The following MACROD1 variants were observed in gnomAD, a reference collection of about 807,000 sequenced individuals.
The protein encoded by MACROD1 is mono-ADP ribosylhydrolase 1, also known as ADP-ribose glycohydrolase MACROD1.
A neutral mutation model predicts 41.4 loss-of-function variants in MACROD1; 31 were observed. The ratio of observed to expected loss-of-function variants is 0.75; its 90% confidence interval spans 0.56 to 1.01. MACROD1 has a LOEUF of 1.01. MACROD1 is among the 50% of genes least tolerant of loss of function. The pLI is 0.00. For missense variants in MACROD1, 473 were observed against 460.0 expected (o/e 1.03, Z -0.26); for synonymous variants, 252 against 203.4 (o/e 1.24, Z -2.03).
chr11:64,157,932 G>A (rs956660689), intron 1 of MACROD1, among the ~76,000 whole-genome samples: 3 of 152,142 alleles, frequency 2.0e-5, no homozygotes, highest in South Asian at 2.1e-4. Flanking sequence ...CCCACAGCTC[G>A]AGCAAAAGGG....
intron 4 of MACROD1, among the ~76,000 whole-genome samples, chr11:64,003,618 C>A (rs990571059): frequency 6.6e-6 from 1 of 152,166 alleles, no homozygotes; most frequent in South Asian, 2.1e-4. Flanking sequence ...TAAGCACCTG[C>A]GTGGTGATTT....
chr11:64,025,251 C>T (rs771343347), intron 3 of MACROD1, among the ~76,000 whole-genome samples: 1 of 152,210 alleles, frequency 6.6e-6, no homozygotes, highest in Non-Finnish European at 1.5e-5. Flanking sequence ...AGCCACCATA[C>T]CCAGCTGGGG....
intron 3 of MACROD1, among the ~76,000 whole-genome samples, chr11:64,099,641 T>C (rs1056467017): frequency 2.0e-5 from 3 of 149,628 alleles, no homozygotes; most frequent in Non-Finnish European, 3.0e-5. Context: ...GATGGAGAGA[T>C]AGGAGGATGG....
At position 64,126,387 on chromosome 11, in the gene MACROD1, T is replaced by C. The variant is rs1275563559; in HGVS notation, c.517+24852A>G. Among the ~76,000 whole-genome samples, 4 of 151,710 alleles carry C rather than the reference T, an allele frequency of 2.6e-5. No homozygotes were observed. In the East Asian group the frequency reaches 7.8e-4, roughly 30 times the overall value. On this transcript the variant is annotated intron_variant, in intron 3 of 10. Coordinates refer to ENST00000255681, the MANE Select transcript of MACROD1 (RefSeq NM_014067.4). ...GGTGGAGTGGTGTGTGGCGTCGAAA[T>C]AGGCTAGCCAGAGAGAGAGGTGCTT...
rs1312237918 is a variant in MACROD1 at position 64,146,861 on chromosome 11, C to T, written c.517+4378G>A. Among the ~76,000 whole-genome samples, 3 of 151,118 alleles carry T rather than the reference C, an allele frequency of 2.0e-5. No individual in the cohort carries two copies. The highest frequency in any genetic ancestry group is 3.0e-5 in the Non-Finnish European group (2 of 67,716). ...CACACACTCTATCACACACACCCCA[C>T]GCATCACACAAGCACAGACACAAAC... On this transcript the variant is annotated intron_variant, in intron 3 of 10. Coordinates refer to ENST00000255681, the MANE Select transcript of MACROD1 (RefSeq NM_014067.4). This position sits in a 1 kb window ranked among gnomAD's most constrained non-coding sequence, Gnocchi z 4.7.
chr11:64,124,757 C>T (rs944757929), intron 3 of MACROD1, among the ~76,000 whole-genome samples: 11 of 152,186 alleles, frequency 7.2e-5, no homozygotes, highest in Non-Finnish European at 1.2e-4. Flanking sequence ...CTCGGCTCAC[C>T]GCAACCCCTG....
At chr11:64,015,361 C>A in intron 3 of MACROD1, 80 bp from the exon 4 acceptor site, 2 of 1,406,630 alleles carry the variant, frequency 1.4e-6, no homozygotes, top group South Asian at 1.4e-5. Context: ...AGGGTGATGT[C>A]AAGATGGGAG....
intron 3 of MACROD1, among the ~76,000 whole-genome samples, chr11:64,035,693 G>C (rs1289148522): frequency 1.2e-4 from 1 of 8,132 alleles, no homozygotes; most frequent in Non-Finnish European, 2.7e-4. Context: ...CCGCCGGCCA[G>C]TGCGCAGCGC....
intron 4 of MACROD1, among the ~76,000 whole-genome samples, chr11:64,009,325 G>T (rs1942965793): frequency 6.6e-6 from 1 of 152,200 alleles, no homozygotes; most frequent in African/African-American, 2.4e-5. Flanking sequence ...CAGGCCAAAG[G>T]GTCTGTCGGG....
rs1945589522 is a variant in MACROD1, at chr11:64,152,149, T to C, written c.400+143A>G. On this transcript the variant is annotated intron_variant, in intron 2 of 10. Transcript: ENST00000255681. The stretch of plus-strand genomic sequence containing the variant: ...CATCTCAAAAAATAAAATAAAATAA[T>C]TGAATGAGGTGATACACGCGGAGCA... 4.5e-6 allele frequency: 3 copies of C among 663,936 alleles called. No individual in the cohort carries two copies. The South Asian group carries it at 5.4e-5, about 12-fold the overall frequency. The allele number at this position is 663,936 out of a possible 1,614,324, so 41.1% of individuals were successfully genotyped here. A position where few individuals can be genotyped will look rare whatever the true frequency, so the allele number is the denominator to read the frequency against.
rs377020952 is a variant in MACROD1 at position 64,117,044 on chromosome 11, G to A, written c.517+34195C>T. 2.2e-5 allele frequency: 36 copies of A among 1,606,648 alleles called. No homozygotes were observed. Among genetic ancestry groups the A allele is most frequent in the Non-Finnish European group, 2.5e-5 (29 of 1,176,952 alleles). ...CAGAGCTCTCGCTGGTGCGCAATTCGCTGGCCGCGCCACCCCTCAACCTGC... is the reference window on the plus strand; with the variant it reads ...CAGAGCTCTCGCTGGTGCGCAATTCACTGGCCGCGCCACCCCTCAACCTGC... On this transcript the variant is annotated intron_variant, in intron 3 of 10. Transcript: ENST00000255681.
chr11:64,077,809 C>G (rs1020405109), intron 3 of MACROD1, among the ~76,000 whole-genome samples: 2 of 152,224 alleles, frequency 1.3e-5, no homozygotes, highest in Admixed American at 6.5e-5. Context: ...GGCCGCCGCT[C>G]GGACATTTGG....
intron 3 of MACROD1, among the ~76,000 whole-genome samples, chr11:64,016,436 A>G (rs1473242855): frequency 6.6e-6 from 1 of 152,232 alleles, no homozygotes; most frequent in Non-Finnish European, 1.5e-5. Context: ...CAGGGCCTTC[A>G]GCTCTGCACA....
intron 3 of MACROD1, among the ~76,000 whole-genome samples, chr11:64,099,549 G>A (rs977485472): frequency 1.3e-5 from 2 of 152,112 alleles, no homozygotes; most frequent in Non-Finnish European, 2.9e-5. Context: ...AAGATGGAGA[G>A]ATGGATGGAT....
chr11:64,037,901 G>C (rs1943413079), intron 3 of MACROD1, among the ~76,000 whole-genome samples: 1 of 152,212 alleles, frequency 6.6e-6, no homozygotes, highest in Non-Finnish European at 1.5e-5. Flanking sequence ...TCCTGAGCCT[G>C]AGCCAGGGTG....
rs78153351 is a variant in MACROD1 at position 64,015,835 on chromosome 11, G to A, written c.518-554C>T. Among the ~76,000 whole-genome samples, 946 of 152,272 alleles carry A rather than the reference G, an allele frequency of 6.2e-3. 10 individuals carry two copies. The highest frequency in any genetic ancestry group is 0.021 in the African/African-American group (888 of 41,546). ...AGGGGGCGCAGAAGGGGGCAGGGGC[G>A]GGGGCGTCCAACTGCGAGAGGGACA... On this transcript the variant is annotated intron_variant, in intron 3 of 10. Transcript: ENST00000255681.
intron 3 of MACROD1, among the ~76,000 whole-genome samples, chr11:64,141,048 T>C (rs980870708): frequency 3.3e-5 from 5 of 152,160 alleles, no homozygotes; most frequent in Admixed American, 1.3e-4. Flanking sequence ...GGTGGGAGGA[T>C]TGCTTGAGCC....
rs1942753480 is a variant in MACROD1, at chr11:63,998,598, C to A, written c.*120G>T. The A allele has an allele frequency of 3.1e-6, 4 of 1,276,766 alleles. No individual in the cohort carries two copies. The highest frequency in any genetic ancestry group is 3.1e-5 in the African/African-American group (2 of 64,648). The allele number at this position is 1,276,766 out of a possible 1,614,324, so 79.1% of individuals were successfully genotyped here. The stretch of plus-strand genomic sequence containing the variant: ...TTTATTAGGCTCCTCGGGGGCGGGG[C>A]GCGGAGGGAAAGAAGGGGTGGCCAG... On this transcript the variant is annotated 3_prime_UTR_variant, in exon 11 of 11. Coordinates refer to ENST00000255681, the MANE Select transcript of MACROD1 (RefSeq NM_014067.4).
intron 3 of MACROD1, among the ~76,000 whole-genome samples, chr11:64,029,371 G>T (rs1206297345): frequency 1.3e-5 from 2 of 152,128 alleles, no homozygotes; most frequent in Non-Finnish European, 2.9e-5. Flanking sequence ...CGGGGTGGGG[G>T]GATCCCCAGT....
Sources: gnomAD v4.1 joint callset for allele counts (sites outside exome capture counted in the v4.1 genomes callset) on GRCh38, gnomAD v4.1.1 for gene constraint, Gnocchi (gnomAD v3.1) non-coding constraint, MANE v1.5 for transcripts, NCBI Gene and HGNC (gene_info 2026-07-23, HGNC 2026-07-21) for gene names.